Variants in COMT observed in about 807,000 individuals in gnomAD.
The protein encoded by COMT is catechol O-methyltransferase.
COMT carries 13 observed loss-of-function variants against 18.9 expected under a neutral mutation model. That is an observed-to-expected ratio of 0.69 (90% CI 0.45 to 1.09). The LOEUF (loss-of-function observed/expected upper bound fraction) is 1.09. Ranked by LOEUF, COMT falls within the 50% of genes least tolerant of loss-of-function variation. COMT has a pLI of 0.00. For missense variants in COMT, 329 were observed against 361.8 expected (o/e 0.91, Z 0.73); for synonymous variants, 150 against 160.9 (o/e 0.93, Z 0.51).
At chr22:19,942,788 G>A (rs1348648551) in intron 1 of COMT, among the ~76,000 whole-genome samples, 1 of 152,196 alleles carries the variant, frequency 6.6e-6, no homozygotes, top group Non-Finnish European at 1.5e-5. Context: ...GAGTTTAAAG[G>A]GAGAGTGAGG....
rs754031677 is a variant in COMT at position 19,968,749 on chromosome 22, C to G, written c.*13C>G. ...AGCAGGGCCCTGACTGCCCCCCCGG[C>G]CCCCCTCTCGGGCTCTCTCACCCAG... On this transcript the variant is annotated 3_prime_UTR_variant, in exon 6 of 6. Coordinates refer to ENST00000361682, the MANE Select transcript of COMT (RefSeq NM_000754.4). 5.1e-6 allele frequency: 8 copies of G among 1,577,326 alleles called. No homozygotes were observed. Among genetic ancestry groups the G allele is most frequent in the Non-Finnish European group, 6.1e-6 (7 of 1,156,390 alleles).
intron 1 of COMT, among the ~76,000 whole-genome samples, chr22:19,952,447 G>A (rs574375445): frequency 1.3e-5 from 2 of 152,228 alleles, no homozygotes; most frequent in Admixed American, 1.3e-4. Context: ...AGACCATCCT[G>A]GCTAACATGG....
intron 1 of COMT, among the ~76,000 whole-genome samples, chr22:19,944,268 G>C (rs987860296): frequency 6.6e-6 from 1 of 152,224 alleles, no homozygotes; most frequent in East Asian, 1.9e-4. Flanking sequence ...AGGATAGGCC[G>C]GGCCCGGTGG....
chr22:19,957,644 A>G (rs1287165726), intron 1 of COMT, among the ~76,000 whole-genome samples: 1 of 152,234 alleles, frequency 6.6e-6, no homozygotes, highest in African/African-American at 2.4e-5. Context: ...GGCACTGAGG[A>G]TGCCCTCACA....
chr22:19,950,241 C>CTTTTTTTTTTTTTTTTTTTTTT (rs55653258), intron 1 of COMT, among the ~76,000 whole-genome samples: 2 of 87,850 alleles, frequency 2.3e-5, no homozygotes, highest in Non-Finnish European at 4.4e-5. Flanking sequence ...CTTTTCTTTT[C>CTTTTTTTTTTTTTTTTTTTTTT]TTTTTTTTTT....
rs9332368 is a variant in COMT at position 19,965,867 on chromosome 22, G to A, written c.615+1568G>A. Among the ~76,000 whole-genome samples, 1,485 of 152,190 alleles carry A rather than the reference G, an allele frequency of 9.8e-3. 24 individuals carry two copies. The highest frequency in any genetic ancestry group is 0.034 in the African/African-American group (1,404 of 41,534). On this transcript the variant is annotated intron_variant, in intron 5 of 5. Transcript: ENST00000361682. ...CAGGCCAAGACAGGGTAGCTGGAGG[G>A]GGGCTCACCCCTGACAAAGGAGCAT...
intron 1 of COMT, among the ~76,000 whole-genome samples, chr22:19,958,338 A>G (rs1205358407): frequency 6.6e-6 from 1 of 150,928 alleles, no homozygotes; most frequent in Non-Finnish European, 1.5e-5. Context: ...CTAATTTTTA[A>G]GTTTTTTGTA....
chr22:19,946,402 C>T (rs1941836357), intron 1 of COMT, among the ~76,000 whole-genome samples: 1 of 152,082 alleles, frequency 6.6e-6, no homozygotes, highest in Admixed American at 6.6e-5. Context: ...GTGGGAGAAT[C>T]GCTTGAACCC....
rs373882300 is a variant in COMT, at chr22:19,968,522, C to G, written c.616-14C>G. ...TCTGACCCTCACCTCCCCCACCCCC[C>G]GGTCTGTTTGCAGGAATGTGGCCTG... On this transcript the variant is annotated splice_polypyrimidine_tract_variant and intron_variant, in intron 5 of 5. Coordinates refer to ENST00000361682, the MANE Select transcript of COMT (RefSeq NM_000754.4). 1.2e-6 allele frequency: 2 copies of G among 1,612,606 alleles called. No individual in the cohort carries two copies. Among genetic ancestry groups the G allele is most frequent in the East Asian group, 2.2e-5 (1 of 44,816 alleles).
chr22:19,950,284 T>C (rs1941909504), intron 1 of COMT, among the ~76,000 whole-genome samples: 1 of 146,926 alleles, frequency 6.8e-6, no homozygotes, highest in East Asian at 2.0e-4. Context: ...AAGGTCTTGC[T>C]GTGTTGCCCA....
chr22:19,943,684 AAG>A (rs1941786825), intron 1 of COMT, among the ~76,000 whole-genome samples: 1 of 152,024 alleles, frequency 6.6e-6, no homozygotes, highest in South Asian at 2.1e-4. Flanking sequence ...AAAAGAAAGA[AAG>A]AAATAAAAAC....
At chr22:19,954,756 T>C (rs938447163) in intron 1 of COMT, among the ~76,000 whole-genome samples, 3 of 152,162 alleles carry the variant, frequency 2.0e-5, no homozygotes, top group Non-Finnish European at 2.9e-5. Flanking sequence ...CCTGGTTGAT[T>C]GTGCGTTCTG....
intron 5 of COMT, chr22:19,967,060 C>T: frequency 8.2e-7 from 1 of 1,213,812 alleles, no homozygotes; most frequent in Non-Finnish European, 1.1e-6. Context: ...GCCTTCTTTC[C>T]CCTCTTGACC....
At chr22:19,966,458 A>C (rs951752687) in intron 5 of COMT, among the ~76,000 whole-genome samples, 1 of 151,298 alleles carries the variant, frequency 6.6e-6, no homozygotes, top group Non-Finnish European at 1.5e-5. Context: ...AAAAAAAAGA[A>C]AAAGACAGAG....
chr22:19,954,211 A>G (rs1315414078), intron 1 of COMT, among the ~76,000 whole-genome samples: 1 of 66,300 alleles, frequency 1.5e-5, no homozygotes, highest in African/African-American at 7.3e-5. Context: ...GCTATTAGGT[A>G]TTGAGTCAAA....
At chr22:19,948,072 T>C (rs948192260) in intron 1 of COMT, among the ~76,000 whole-genome samples, 6 of 152,210 alleles carry the variant, frequency 3.9e-5, no homozygotes, top group Non-Finnish European at 8.8e-5. Context: ...TATTATAATA[T>C]TGGAATAAAG....
At chr22:19,952,870 G>C (rs1426733009) in intron 1 of COMT, among the ~76,000 whole-genome samples, 1 of 151,296 alleles carries the variant, frequency 6.6e-6, no homozygotes, top group African/African-American at 2.4e-5. Flanking sequence ...AGAATCGCTT[G>C]AACCCAGGAG....
rs999200429 is a variant in COMT, at chr22:19,962,749, G to C, written c.223G>C (p.Val75Leu). ...QHAEPGNAQS[V>L]LEAIDTYCEQ... is the part of the protein sequence containing the mutation. The stretch of plus-strand genomic sequence containing the variant: ...TGCGGAGCCCGGGAACGCACAGAGC[G>C]TGCTGGAGGCCATTGACACCTACTG... Residue 75 changes from valine (V) to leucine (L), a missense_variant, in exon 3 of 6, where the codon GTG becomes CTG. By Grantham distance (32) the Val-to-Leu change is conservative. Coordinates refer to ENST00000361682, the MANE Select transcript of COMT (RefSeq NM_000754.4). 9.9e-6 allele frequency: 16 copies of C among 1,613,278 alleles called. No homozygotes were observed. In the Admixed American group the frequency reaches 2.5e-4, roughly 25 times the overall value.
chr22:19,969,899 C>G lies in COMT; in HGVS notation c.*1163C>G, dbSNP rs1332740029. 1 of 985,378 alleles carries G rather than the reference C, an allele frequency of 1.0e-6. No individual in the cohort carries two copies. The highest frequency in any genetic ancestry group is 1.7e-5 in the African/African-American group (1 of 57,256). 61.0% of individuals were successfully genotyped at this position (985,378 alleles called of 1,614,324 possible). On this transcript the variant is annotated 3_prime_UTR_variant, in exon 6 of 6. Coordinates refer to ENST00000361682, the MANE Select transcript of COMT (RefSeq NM_000754.4). The stretch of plus-strand genomic sequence containing the variant: ...CTGAGTGGCAGAAAGCAAAAAGTTC[C>G]TTTGCTGCTTTAATTTTTAAATTTT...
Sources: allele counts gnomAD v4.1 joint callset (sites outside exome capture counted in the v4.1 genomes callset), GRCh38; gene constraint gnomAD v4.1.1; transcripts MANE v1.5; gene names NCBI Gene and HGNC (gene_info 2026-07-23, HGNC 2026-07-21).